Variants in PRKCH observed in about 807,000 individuals in gnomAD.
PRKCH encodes the protein protein kinase C eta type.
PRKCH carries 28 observed loss-of-function variants against 82.5 expected under a neutral mutation model. The observed-to-expected ratio is 0.34, with a 90% CI of 0.25 to 0.47. The LOEUF (loss-of-function observed/expected upper bound fraction) is 0.47. Ranked by LOEUF, PRKCH falls within the 20% of genes least tolerant of loss-of-function variation. PRKCH has a pLI of 1.00. For missense variants in PRKCH, 705 were observed against 881.8 expected (o/e 0.80, Z 2.54); for synonymous variants, 322 against 327.4 (o/e 0.98, Z 0.18).
chr14:61,207,706 C>T (rs1349970736), intron 1 of PRKCH, among the ~76,000 whole-genome samples: 2 of 152,176 alleles, frequency 1.3e-5, no homozygotes, highest in Admixed American at 6.6e-5. Flanking sequence ...CATGCATCAA[C>T]ATGATCTAAC....
rs775794529 is a variant in PRKCH at position 61,322,077 on chromosome 14, C to T, written c.-25C>T. On this transcript the variant is annotated 5_prime_UTR_variant, in exon 1 of 14. Transcript: ENST00000332981. ...TCCCGCTGCGAAGCAGCGCGGCCCC[C>T]CGGGGCCGGGGCAGCGGCGCCGGCA... The T allele has an allele frequency of 1.4e-5, 21 of 1,517,984 alleles. No homozygotes were observed. In the African/African-American group the frequency reaches 1.7e-4, roughly 12 times the overall value. The allele number at this position is 1,517,984 out of a possible 1,614,324, so 94.0% of individuals were successfully genotyped here.
chr14:61,433,043 C>CAAAAAAAAAA (rs34477992), intron 2 of PRKCH, among the ~76,000 whole-genome samples: 6,636 of 110,330 alleles, frequency 0.06, 218 homozygotes, highest in East Asian at 0.16. Context: ...CCAACCTCTT[C>CAAAAAAAAAA]AAAAAAAAAA....
At chr14:61,426,076 C>A (rs912524245) in intron 2 of PRKCH, among the ~76,000 whole-genome samples, 1 of 152,142 alleles carries the variant, frequency 6.6e-6, no homozygotes, top group Non-Finnish European at 1.5e-5. Context: ...TATAAATTAC[C>A]CAGTCTCAGG....
In PRKCH at chr14:61,550,801, AC is replaced by A. The variant is rs1319593112; in HGVS notation, c.*971del. The A allele has an allele frequency of 1.3e-5, 2 of 152,180 alleles. No homozygotes were observed. The highest frequency in any genetic ancestry group is 2.9e-5 in the Non-Finnish European group (2 of 68,028). The allele number at this position is 152,180 out of a possible 1,614,324, so 9.4% of individuals were successfully genotyped here. ...CAGTGACCAGATTTGTGGCTTATAAACATTAGCAGTTTATTTATGTTTTAAG... is the reference window on the plus strand; with the variant it reads ...CAGTGACCAGATTTGTGGCTTATAAAATTAGCAGTTTATTTATGTTTTAAG... On this transcript the variant is annotated 3_prime_UTR_variant, in exon 14 of 14. Transcript: ENST00000332981.
intron 2 of PRKCH, among the ~76,000 whole-genome samples, chr14:61,429,569 T>C (rs1222078065): frequency 6.6e-6 from 1 of 152,210 alleles, no homozygotes; most frequent in Non-Finnish European, 1.5e-5. Flanking sequence ...AATCCTAGAA[T>C]GTGTGTCTTG....
intron 1 of PRKCH, among the ~76,000 whole-genome samples, chr14:61,205,747 C>G (rs1225388521): frequency 1.3e-5 from 2 of 152,174 alleles, no homozygotes; most frequent in Non-Finnish European, 2.9e-5. Flanking sequence ...AGGCAACAAG[C>G]TAACTAGGAA....
At position 61,255,553 on chromosome 14, in the gene PRKCH, A is replaced by G. The variant is rs2044989741; in HGVS notation, c.-19+67885A>G. Among the ~76,000 whole-genome samples the G allele has an allele frequency of 3.3e-5, 5 of 152,222 alleles. No homozygotes were observed. The South Asian group carries it at 1.0e-3, about 32-fold the overall frequency. ...ATCTTAAAAAAAAGACAGTCTTGTA[A>G]GAGGCAAATTCAAATACAGATTAAA... On this transcript the variant is annotated intron_variant, in intron 1 of 3. Transcript: ENST00000555185.
intron 1 of PRKCH, among the ~76,000 whole-genome samples, chr14:61,290,400 T>G (rs767326532): frequency 2.0e-5 from 3 of 152,102 alleles, no homozygotes; most frequent in Admixed American, 6.6e-5. Flanking sequence ...GGTAAATACC[T>G]CAGTGAGTTC....
chr14:61,449,012 A>C, intron 4 of PRKCH, 152 bp from the exon 5 acceptor site: 1 of 661,048 alleles, frequency 1.5e-6, no homozygotes, highest in African/African-American at 1.8e-5. Context: ...GATGGTGGCG[A>C]AGGCAATAGG....
intron 10 of PRKCH, among the ~76,000 whole-genome samples, chr14:61,507,713 TA>T (rs1449416469): frequency 6.6e-6 from 1 of 152,028 alleles, no homozygotes; most frequent in Non-Finnish European, 1.5e-5. Flanking sequence ...ATATGGAATC[TA>T]AAATAGTCAA....
chr14:61,286,221 G>T (rs2045312574), intron 1 of PRKCH, among the ~76,000 whole-genome samples: 1 of 152,176 alleles, frequency 6.6e-6, no homozygotes, highest in African/African-American at 2.4e-5. Context: ...TATTTAAAAA[G>T]AATCAAATTA....
At chr14:61,409,585 C>G (rs537425436) in intron 2 of PRKCH, among the ~76,000 whole-genome samples, 1 of 151,428 alleles carries the variant, frequency 6.6e-6, no homozygotes, top group South Asian at 2.1e-4. Flanking sequence ...CCTGTATTCC[C>G]AGTTACTTGG....
chr14:61,281,135 C>A, intron 1 of PRKCH: 1 of 1,380,694 alleles, frequency 7.2e-7, no homozygotes, highest in South Asian at 1.7e-5. Flanking sequence ...CGGGCCGTGG[C>A]GCTCCAGGTC....
intron 1 of PRKCH, among the ~76,000 whole-genome samples, chr14:61,378,540 T>G (rs1337044204): frequency 6.6e-6 from 1 of 152,214 alleles, no homozygotes; most frequent in Non-Finnish European, 1.5e-5. Flanking sequence ...ACTGACCTAT[T>G]CAGTTGAGAC....
chr14:61,318,642 A>T (rs2045583305), upstream of PRKCH, among the ~76,000 whole-genome samples: 1 of 152,024 alleles, frequency 6.6e-6, no homozygotes, highest in Non-Finnish European at 1.5e-5. Flanking sequence ...TCTACTTCTG[A>T]AACACTTCTT....
intron 1 of PRKCH, among the ~76,000 whole-genome samples, chr14:61,248,732 A>G (rs916047849): frequency 6.6e-6 from 1 of 151,928 alleles, no homozygotes; most frequent in Non-Finnish European, 1.5e-5. Flanking sequence ...GTTAAAACTC[A>G]CCTAATTCAA....
chr14:61,306,164 G>T (rs2045484238), intron 1 of PRKCH: 1 of 152,176 alleles, frequency 6.6e-6, no homozygotes, highest in South Asian at 2.1e-4. Context: ...AATGGATGAG[G>T]TGCTTAGTAA....
chr14:61,343,374 A>G (rs1180384523), intron 1 of PRKCH, among the ~76,000 whole-genome samples: 1 of 127,970 alleles, frequency 7.8e-6, no homozygotes, highest in Non-Finnish European at 1.8e-5. Context: ...AAAAAAAAAA[A>G]AGGAAAAACA....
intron 2 of PRKCH, among the ~76,000 whole-genome samples, chr14:61,426,505 A>C (rs192229410): frequency 2.6e-4 from 40 of 152,330 alleles, no homozygotes; most frequent in Non-Finnish European, 4.4e-4. Flanking sequence ...GAATGTTTTC[A>C]TCACAAGTCT....
Sources: allele counts gnomAD v4.1 joint callset (sites outside exome capture counted in the v4.1 genomes callset), GRCh38; gene constraint gnomAD v4.1.1; transcripts MANE v1.5; gene names NCBI Gene and HGNC (gene_info 2026-07-23, HGNC 2026-07-21).